SCRN1: variants seen among roughly 807,000 people sequenced by gnomAD.
SCRN1 encodes secernin-1.
SCRN1 carries 19 observed loss-of-function variants against 43.3 expected under a neutral mutation model. That is an observed-to-expected ratio of 0.44 (90% confidence interval 0.31 to 0.64). The LOEUF (loss-of-function observed/expected upper bound fraction) is 0.64, where lower values mean the gene tolerates loss of function less well. Ranked by LOEUF, SCRN1 falls within the 30% of genes least tolerant of loss-of-function variation. The pLI, the probability that SCRN1 is intolerant of heterozygous loss-of-function variation, is 0.09. For synonymous variants in SCRN1, 183 were observed against 188.9 expected (o/e 0.97, Z 0.26); for missense variants, 447 against 524.1 (o/e 0.85, Z 1.44).
intron 5 of SCRN1, among the ~76,000 whole-genome samples, chr7:29,939,258 G>C (rs1246213872): frequency 2.0e-5 from 3 of 151,956 alleles, no homozygotes; most frequent in African/African-American, 7.3e-5. Context: ...CTGTCACCCA[G>C]GCTGGAGTGA....
intron 7 of SCRN1, among the ~76,000 whole-genome samples, chr7:29,924,770 ACT>A (rs1786885770): frequency 6.6e-6 from 1 of 151,886 alleles, no homozygotes; most frequent in Non-Finnish European, 1.5e-5. Flanking sequence ...TCCCCTGTTC[ACT>A]CTTTTTCTGA....
chr7:29,953,929 T>C (rs988143153), intron 3 of SCRN1, among the ~76,000 whole-genome samples: 2 of 152,038 alleles, frequency 1.3e-5, no homozygotes, highest in African/African-American at 4.8e-5. Context: ...CCCAGAGAGG[T>C]GATGTAACTT....
chr7:29,961,008 T>A (rs1447115825), intron 2 of SCRN1, among the ~76,000 whole-genome samples: 1 of 151,148 alleles, frequency 6.6e-6, no homozygotes, highest in Non-Finnish European at 1.5e-5. Flanking sequence ...AAAGAAAAAA[T>A]CCAGTGTAAT....
intron 6 of SCRN1, among the ~76,000 whole-genome samples, chr7:29,929,360 C>T (rs975652193): frequency 6.6e-5 from 10 of 152,212 alleles, no homozygotes; most frequent in Non-Finnish European, 8.8e-5. Context: ...CGCCCTCCTG[C>T]GGAGCCTACT....
chr7:29,977,204 G>A (rs187359693), intron 1 of SCRN1, among the ~76,000 whole-genome samples: 19 of 152,268 alleles, frequency 1.2e-4, no homozygotes, highest in African/African-American at 4.6e-4. Flanking sequence ...CTTTACTTAC[G>A]TAAAGAATGA....
At chr7:29,943,104 A>G (rs777065744) in intron 4 of SCRN1, among the ~76,000 whole-genome samples, 2 of 152,174 alleles carry the variant, frequency 1.3e-5, no homozygotes, top group African/African-American at 2.4e-5. Flanking sequence ...TAGTTAAGAA[A>G]AATACATAGG....
At chr7:29,966,376 T>G (rs2128097052) in intron 2 of SCRN1, among the ~76,000 whole-genome samples, 1 of 152,242 alleles carries the variant, frequency 6.6e-6, no homozygotes, top group South Asian at 2.1e-4. Context: ...GAAGGGCACT[T>G]GGGATGGGAT....
chr7:29,942,225 G>C (rs1787581327), intron 4 of SCRN1, among the ~76,000 whole-genome samples: 1 of 152,126 alleles, frequency 6.6e-6, no homozygotes, highest in Admixed American at 6.5e-5. Flanking sequence ...TTTCCCAGTG[G>C]GCAGATTTAT....
At chr7:29,933,785 ATAAT>A (rs769504929) in intron 6 of SCRN1, among the ~76,000 whole-genome samples, 16 of 152,226 alleles carry the variant, frequency 1.1e-4, no homozygotes, top group Non-Finnish European at 2.1e-4. Context: ...GACAAGATCT[ATAAT>A]TAATACAGTG....
chr7:29,983,335 G>A (rs1789051712), intron 1 of SCRN1, among the ~76,000 whole-genome samples: 1 of 150,872 alleles, frequency 6.6e-6, no homozygotes, highest in African/African-American at 2.4e-5. Context: ...ATAGCATTGG[G>A]AGATATACCT....
intron 1 of SCRN1, among the ~76,000 whole-genome samples, chr7:29,970,959 C>T (rs1244753097): frequency 1.3e-5 from 2 of 152,320 alleles, no homozygotes; most frequent in East Asian, 3.9e-4. Flanking sequence ...AGAAAGCTCC[C>T]TGAAGGCAGG....
chr7:29,969,022 G>A lies in SCRN1; in HGVS notation c.46C>T (p.Arg16Cys), dbSNP rs369587608. The A allele has an allele frequency of 1.7e-4, 279 of 1,614,064 alleles. No homozygotes were observed. The highest frequency in any genetic ancestry group is 1.7e-4 in the Non-Finnish European group (199 of 1,179,982). ...PSYCFVAFPP[R>C]AKDGLVVFGK... ...AATACCACCAGACCATCCTTAGCAC[G>A]TGGAGGGAAGGCAACAAAACAGTAA... The change falls in exon 2 of 8, where the codon CGT (arginine) becomes TGT (cysteine). Residue 16 changes from arginine (R) to cysteine (C), a missense_variant. By Grantham distance (180) the Arg-to-Cys change is radical. Transcript: ENST00000242059.
chr7:29,947,631 G>A (rs1444686057), intron 3 of SCRN1, among the ~76,000 whole-genome samples: 5 of 152,186 alleles, frequency 3.3e-5, no homozygotes, highest in Non-Finnish European at 5.9e-5. Context: ...GGACCTTTTG[G>A]AAATTGGAAA....
At chr7:29,939,403 G>T (rs1222792006) in intron 5 of SCRN1, among the ~76,000 whole-genome samples, 1 of 152,102 alleles carries the variant, frequency 6.6e-6, no homozygotes, top group East Asian at 1.9e-4. Context: ...GAGAGATGAG[G>T]TCTTGCTAAG....
At chr7:29,927,328 G>C (rs997393060) in intron 6 of SCRN1, among the ~76,000 whole-genome samples, 1 of 151,804 alleles carries the variant, frequency 6.6e-6, no homozygotes, top group Non-Finnish European at 1.5e-5. Flanking sequence ...GTGTGTACTT[G>C]TACAAGTCTA....
Position 29,968,804 on chromosome 7 carries a change from A to T in SCRN1, c.159+105T>A, listed in dbSNP as rs1373002655. ...CAGGAATCAGCAGAACTGACATGAT[A>T]GCTCTGACTTGTGAGCAAGCTTCCA... On this transcript the variant is annotated intron_variant, in intron 2 of 7. Transcript: ENST00000242059. 3 of 1,375,120 alleles carry T rather than the reference A, an allele frequency of 2.2e-6. No individual in the cohort carries two copies. In the East Asian group the frequency reaches 7.0e-5, roughly 32 times the overall value. 85.2% of individuals were successfully genotyped at this position (1,375,120 alleles called of 1,614,324 possible).
At chr7:29,988,807 T>C (rs1583707643) in intron 1 of SCRN1, 1 of 152,254 alleles carries the variant, frequency 6.6e-6, no homozygotes, top group African/African-American at 2.4e-5. Context: ...ACAGTTTCCT[T>C]CGATGTTTTC....
At chr7:29,985,034 T>G (rs931856454) in intron 1 of SCRN1, among the ~76,000 whole-genome samples, 2 of 144,582 alleles carry the variant, frequency 1.4e-5, no homozygotes, top group Admixed American at 1.4e-4. Context: ...GAAAGTAGCT[T>G]TGGGTAATTT....
intron 5 of SCRN1, 121 bp from the exon 6 acceptor site, chr7:29,936,842 C>T (rs918872165): frequency 2.4e-5 from 16 of 653,762 alleles, no homozygotes; most frequent in African/African-American, 1.1e-4. Flanking sequence ...GTCAGGAGAT[C>T]GCGACCATCC....
Sources: gnomAD v4.1 joint callset for allele counts (sites outside exome capture counted in the v4.1 genomes callset) on GRCh38, gnomAD v4.1.1 for gene constraint, MANE v1.5 for transcripts, NCBI Gene and HGNC (gene_info 2026-07-23, HGNC 2026-07-21) for gene names.